The following IRAG1 variants were observed in gnomAD, a reference collection of about 807,000 sequenced individuals.
The protein encoded by IRAG1 is inositol 1,4,5-triphosphate receptor associated 1, also known as IP3R-associated cGMP kinase substrate.
In IRAG1, 62 loss-of-function variants were observed where a neutral mutation model predicts 106.2. That is an observed-to-expected ratio of 0.58 (90% confidence interval 0.48 to 0.72). The LOEUF (loss-of-function observed/expected upper bound fraction) is 0.72. Ranked by LOEUF, IRAG1 falls within the 30% of genes least tolerant of loss-of-function variation. The pLI, the probability that IRAG1 is intolerant of heterozygous loss-of-function variation, is 0.00. For missense variants in IRAG1, 1,064 were observed against 1,140.7 expected (o/e 0.93, Z 0.97); for synonymous variants, 462 against 443.9 (o/e 1.04, Z -0.51).
At chr11:10,671,042 C>G (rs1025927046) in intron 1 of IRAG1, among the ~76,000 whole-genome samples, 1 of 152,218 alleles carries the variant, frequency 6.6e-6, no homozygotes, top group Non-Finnish European at 1.5e-5. Flanking sequence ...CTGTTTCAAA[C>G]ATTTAATCTT....
chr11:10,633,356 T>A (rs924667119), intron 3 of IRAG1, among the ~76,000 whole-genome samples: 4 of 152,214 alleles, frequency 2.6e-5, no homozygotes, highest in Admixed American at 6.5e-5. Flanking sequence ...ATTACAGGCA[T>A]GAGCCACTGC....
intron 1 of IRAG1, among the ~76,000 whole-genome samples, chr11:10,687,001 C>T (rs547854572): frequency 2.0e-5 from 3 of 152,344 alleles, no homozygotes; most frequent in East Asian, 3.9e-4. Context: ...GAAAATTCAT[C>T]GCCGCAGAAA....
In IRAG1 at chr11:10,593,394, C is replaced by G; in HGVS notation, c.2175+98G>C. On this transcript the variant is annotated intron_variant, in intron 17 of 20. Transcript: ENST00000423302. ...CTGGAAATTTCCTCTCCTTGTTGAC[C>G]CTGCCCCCATTTGGTCACCCTCCCT... The G allele has an allele frequency of 4.4e-6, 4 of 904,140 alleles. No homozygotes were observed. In the South Asian group the frequency reaches 6.6e-5, roughly 15 times the overall value. The allele number at this position is 904,140 out of a possible 1,614,324, so 56.0% of individuals were successfully genotyped here.
intron 1 of IRAG1, among the ~76,000 whole-genome samples, chr11:10,664,829 G>A (rs181211680): frequency 3.5e-4 from 54 of 152,304 alleles, no homozygotes; most frequent in African/African-American, 1.2e-3. Flanking sequence ...TTAAGATGAT[G>A]AAGAAGAACT....
chr11:10,627,600 C>T, intron 8 of IRAG1, 116 bp downstream of exon 8: 5 of 1,063,928 alleles, frequency 4.7e-6, no homozygotes, highest in Admixed American at 1.8e-5. Context: ...CCTGACCCTC[C>T]ACTCATACGT....
chr11:10,685,417 A>C lies in IRAG1; in HGVS notation c.67+8119T>G, dbSNP rs571915929. Among the ~76,000 whole-genome samples the C allele has an allele frequency of 4.6e-3, 71 of 15,484 alleles. No homozygotes were observed. In the Admixed American group the frequency reaches 0.066, roughly 14 times the overall value. The allele number at this position is 15,484 out of a possible 152,430, so 10.2% of individuals were successfully genotyped here. On this transcript the variant is annotated intron_variant, in intron 1 of 20. Coordinates refer to ENST00000423302, the MANE Select transcript of IRAG1 (RefSeq NM_130385.4). ...GGTGATGCAGCAAGATTCCGTTCCC[A>C]AAAAAAAAAAAAAAGAATTAAAAGA...
chr11:10,678,879 T>C (rs563960000), intron 1 of IRAG1, among the ~76,000 whole-genome samples: 2 of 152,302 alleles, frequency 1.3e-5, no homozygotes, highest in South Asian at 4.1e-4. Flanking sequence ...TAATGTTCCC[T>C]TTTGATGCTG....
chr11:10,673,958 G>A (rs1184044320), intron 1 of IRAG1, among the ~76,000 whole-genome samples: 1 of 152,064 alleles, frequency 6.6e-6, no homozygotes, highest in Non-Finnish European at 1.5e-5. Flanking sequence ...GAGATGAAGG[G>A]ACAGGGACAC....
chr11:10,576,387 T>C lies in IRAG1; in HGVS notation c.2684A>G (p.Gln895Arg). The C allele has an allele frequency of 6.2e-7, 1 of 1,614,000 alleles. No individual in the cohort carries two copies. Among genetic ancestry groups the C allele is most frequent in the Non-Finnish European group, 8.5e-7 (1 of 1,179,884 alleles). The change falls in exon 21 of 21, where the codon CAG becomes CGG. Residue 895 changes from glutamine to arginine, a missense_variant. Physicochemically the swap from Gln to Arg is conservative, Grantham distance 43. Transcript: ENST00000423302. ...TCCTGAGCTCCACCAGGAGTCCCTC[T>C]GGGCTGCCGAGCAAGTGGATCTTCC... is the stretch of plus-strand genomic sequence containing the variant. ...PLGRSTCSAA[Q>R]RDSWWSSGLQ...
chr11:10,594,170 C>A lies in IRAG1; in HGVS notation c.2043G>T (p.Arg681=), dbSNP rs770680690. 6.8e-6 allele frequency: 11 copies of A among 1,610,280 alleles called. No individual in the cohort carries two copies. The highest frequency in any genetic ancestry group is 9.3e-6 in the Non-Finnish European group (11 of 1,178,482). The change falls in exon 16 of 21, where the codon CGG becomes CGT. Residue 681 remains arginine (R), a synonymous_variant. Transcript: ENST00000423302. ...CCTTTCCCAGCGTGAGGGACATGGACCGTGCCGTGCGAGGGACCCCATCTT... is the reference window on the plus strand; with the variant it reads ...CCTTTCCCAGCGTGAGGGACATGGAACGTGCCGTGCGAGGGACCCCATCTT... ...PSEDGVPRTA[R]SMSLTLGKNM... is the part of the protein sequence containing the mutation.
intron 10 of IRAG1, among the ~76,000 whole-genome samples, chr11:10,611,109 G>A (rs1564906779): frequency 6.6e-6 from 1 of 152,196 alleles, no homozygotes; most frequent in Non-Finnish European, 1.5e-5. Context: ...GGTAAAATAT[G>A]TTTAAATACT....
At chr11:10,605,845 C>G (rs376489854) in intron 12 of IRAG1, among the ~76,000 whole-genome samples, 75 of 152,296 alleles carry the variant, frequency 4.9e-4, no homozygotes, top group African/African-American at 1.6e-3. Flanking sequence ...TTTTCTATAC[C>G]TTGATTATCC....
chr11:10,590,847 G>A (rs954616833), intron 18 of IRAG1, among the ~76,000 whole-genome samples: 22 of 152,124 alleles, frequency 1.4e-4, no homozygotes, highest in African/African-American at 5.1e-4. Flanking sequence ...ATTCTGTTCA[G>A]GAATTTACTC....
chr11:10,616,596 T>C (rs182626141), intron 10 of IRAG1, among the ~76,000 whole-genome samples: 3 of 152,326 alleles, frequency 2.0e-5, no homozygotes, highest in East Asian at 3.9e-4. Flanking sequence ...ATAATACATT[T>C]TTTATACTTT....
Position 10,626,580 on chromosome 11 carries a change from C to T in IRAG1, c.754G>A (p.Val252Ile), listed in dbSNP as rs776438491. ...TTCCTGTCAGCTAGCCCTTTGGGGA[C>T]GTTCTGAAAAAGACAAGGTAGAGCT... ...VSSPHPGEPN[V>I]PKGLADRKQN... Residue 252 changes from valine (V) to isoleucine (I), a missense_variant, in exon 9 of 21, where the codon GTC (valine) becomes ATC (isoleucine). Transcript: ENST00000423302. 8.8e-6 allele frequency: 14 copies of T among 1,595,730 alleles called. No homozygotes were observed. The highest frequency in any genetic ancestry group is 8.7e-5 in the Admixed American group (5 of 57,720).
intron 1 of IRAG1, among the ~76,000 whole-genome samples, chr11:10,672,684 G>A (rs914000817): frequency 5.3e-5 from 8 of 152,202 alleles, no homozygotes; most frequent in African/African-American, 1.7e-4. Context: ...GTGTCGACTA[G>A]GATGTGAAGA....
At chr11:10,638,897 A>G (rs1400304211) in intron 2 of IRAG1, among the ~76,000 whole-genome samples, 2 of 152,184 alleles carry the variant, frequency 1.3e-5, no homozygotes, top group African/African-American at 4.8e-5. Context: ...AGGCTGCTAA[A>G]TAAGTAAAAT....
intron 14 of IRAG1, among the ~76,000 whole-genome samples, chr11:10,601,354 G>C (rs1229968451): frequency 4.6e-5 from 7 of 152,206 alleles, no homozygotes; most frequent in Admixed American, 1.3e-4. Flanking sequence ...GAATGCAGTG[G>C]ATGTAGGATG....
At chr11:10,627,917 T>C in intron 7 of IRAG1, 56 bp downstream of exon 7, 2 of 1,579,806 alleles carry the variant, frequency 1.3e-6, no homozygotes, top group Non-Finnish European at 1.7e-6. Context: ...GTGTTCGGGG[T>C]AAGGGGAGAG....
Sources: gnomAD v4.1 joint callset for allele counts (sites outside exome capture counted in the v4.1 genomes callset) on GRCh38, gnomAD v4.1.1 for gene constraint, MANE v1.5 for transcripts, NCBI Gene and HGNC (gene_info 2026-07-23, HGNC 2026-07-21) for gene names.